Variants in CSMD1 observed in about 807,000 individuals in gnomAD.
CSMD1 encodes the protein CUB and Sushi multiple domains 1, also known as CUB and sushi domain-containing protein 1.
CSMD1 carries 213 observed loss-of-function variants against 417.5 expected under a neutral mutation model. The ratio of observed to expected loss-of-function variants is 0.51; its 90% CI spans 0.46 to 0.57. The LOEUF (loss-of-function observed/expected upper bound fraction) is 0.57, where lower values mean the gene tolerates loss of function less well. Among genes scored for constraint, CSMD1 ranks in the 20% least tolerant of loss-of-function variants. The pLI is 0.00. For synonymous variants in CSMD1, 2,862 were observed against 1,736.8 expected (o/e 1.65, Z -16.11); for missense variants, 6,923 against 4,529.7 (o/e 1.53, Z -15.17).
intron 3 of CSMD1, among the ~76,000 whole-genome samples, chr8:4,258,562 G>A (rs1319917711): frequency 1.4e-5 from 2 of 147,558 alleles, no homozygotes; most frequent in African/African-American, 5.0e-5. Flanking sequence ...AGGGAGGGAG[G>A]GAGGGAAGAA....
intron 2 of CSMD1, among the ~76,000 whole-genome samples, chr8:4,573,132 C>T (rs116065870): frequency 3.3e-5 from 5 of 152,232 alleles, no homozygotes; most frequent in Admixed American, 2.0e-4. Flanking sequence ...ATTCATCAAA[C>T]GCATTCCCTG....
intron 3 of CSMD1, among the ~76,000 whole-genome samples, chr8:4,174,207 C>A (rs902949887): frequency 1.2e-4 from 18 of 152,268 alleles, no homozygotes; most frequent in African/African-American, 4.3e-4. Context: ...AGAGCCTCAG[C>A]AGCTATGTGA....
intron 8 of CSMD1, among the ~76,000 whole-genome samples, chr8:3,590,966 T>G (rs540635926): frequency 6.6e-6 from 1 of 152,276 alleles, no homozygotes; most frequent in Admixed American, 6.5e-5. Flanking sequence ...GTAATATAAA[T>G]CAGATATAAC....
chr8:3,675,691 A>T (rs895607076), intron 7 of CSMD1, among the ~76,000 whole-genome samples: 2 of 152,186 alleles, frequency 1.3e-5, no homozygotes, highest in African/African-American at 4.8e-5. Flanking sequence ...GCAAACCAGG[A>T]AACGGGTCCT....
intron 11 of CSMD1, among the ~76,000 whole-genome samples, chr8:3,484,704 A>G (rs901688351): frequency 9.2e-5 from 14 of 152,226 alleles, no homozygotes; most frequent in Admixed American, 5.9e-4. Flanking sequence ...CAAAGCACTA[A>G]TATCTTGACT....
chr8:3,043,478 C>T (rs771815713), intron 50 of CSMD1, among the ~76,000 whole-genome samples: 1 of 151,830 alleles, frequency 6.6e-6, no homozygotes, highest in Non-Finnish European at 1.5e-5. Context: ...GCTAGTATTG[C>T]TCTGGTTTGC....
intron 1 of CSMD1, among the ~76,000 whole-genome samples, chr8:4,978,736 G>A (rs1303247993): frequency 2.6e-5 from 4 of 152,068 alleles, no homozygotes; most frequent in Non-Finnish European, 2.9e-5. Flanking sequence ...TCAGTAGTTC[G>A]AGACCAGCCT....
Position 3,213,726 on chromosome 8 carries a change from T to C in CSMD1, c.4867+771A>G, listed in dbSNP as rs527768496. On this transcript the variant is annotated intron_variant, in intron 30 of 69. Coordinates refer to ENST00000635120, the MANE Select transcript of CSMD1 (RefSeq NM_033225.6). ...AAAAATATATGTACATTAAAATATA[T>C]ATGTATATATGTAAAAATATATGTG... 2.7e-5 allele frequency among the ~76,000 whole-genome samples: 4 copies of C among 150,774 alleles called. No individual in the cohort carries two copies. In the East Asian group the frequency reaches 7.8e-4, roughly 29 times the overall value.
At chr8:4,248,883 T>C (rs1802875183) in intron 3 of CSMD1, among the ~76,000 whole-genome samples, 1 of 149,594 alleles carries the variant, frequency 6.7e-6, no homozygotes, top group South Asian at 2.1e-4. Flanking sequence ...CAGTTTTCTG[T>C]TGGAAAAAAA....
rs754229419 is a variant in CSMD1 at position 3,409,414 on chromosome 8, A to G, written c.1744+9T>C. On this transcript the variant is annotated intron_variant, in intron 13 of 69. Transcript: ENST00000635120. The stretch of plus-strand genomic sequence containing the variant: ...CAGGAGGGAGTCCAGGTCAAGGCAT[A>G]ATACTCACATACACAGCTGGGCTTG... The G allele has an allele frequency of 6.2e-7, 1 of 1,603,742 alleles. No individual in the cohort carries two copies. The highest frequency in any genetic ancestry group is 1.7e-5 in the Admixed American group (1 of 58,824).
chr8:4,073,171 C>T (rs1174243263), intron 3 of CSMD1, among the ~76,000 whole-genome samples: 5 of 152,052 alleles, frequency 3.3e-5, no homozygotes, highest in African/African-American at 9.6e-5. Context: ...TAGAAAAAAT[C>T]GAGATGAAGC....
chr8:3,605,480 G>A (rs117906663), intron 8 of CSMD1, among the ~76,000 whole-genome samples: 2,091 of 152,176 alleles, frequency 0.014, 23 homozygotes, highest in Middle Eastern at 0.02. Flanking sequence ...TTATCAATAC[G>A]CTACAAAAAA....
At chr8:3,791,004 C>G (rs542675322) in intron 5 of CSMD1, among the ~76,000 whole-genome samples, 3 of 152,204 alleles carry the variant, frequency 2.0e-5, no homozygotes, top group African/African-American at 4.8e-5. Context: ...TGGAATGCAA[C>G]ACCTTCAGGT....
intron 11 of CSMD1, among the ~76,000 whole-genome samples, chr8:3,485,178 G>A (rs139090030): frequency 6.6e-6 from 1 of 152,168 alleles, no homozygotes; most frequent in East Asian, 1.9e-4. Flanking sequence ...ATCTGTGGGT[G>A]AATATAAACT....
At chr8:3,469,595 A>G (rs1816969968) in intron 11 of CSMD1, among the ~76,000 whole-genome samples, 1 of 152,216 alleles carries the variant, frequency 6.6e-6, no homozygotes, top group African/African-American at 2.4e-5. Flanking sequence ...TGAAATAGAA[A>G]AAGTGTAAGA....
intron 10 of CSMD1, among the ~76,000 whole-genome samples, chr8:3,499,951 G>A (rs747059661): frequency 6.6e-6 from 1 of 152,096 alleles, no homozygotes; most frequent in African/African-American, 2.4e-5. Context: ...AAACAGTCAT[G>A]TGGGCTGCAG....
intron 26 of CSMD1, among the ~76,000 whole-genome samples, chr8:3,234,443 G>A (rs111767018): frequency 6.6e-6 from 1 of 152,052 alleles, no homozygotes; most frequent in East Asian, 1.9e-4. Context: ...ATCATTACTC[G>A]TGTTTTGAAC....
chr8:4,673,791 G>A (rs181101745), intron 1 of CSMD1, among the ~76,000 whole-genome samples: 5 of 152,288 alleles, frequency 3.3e-5, no homozygotes, highest in Admixed American at 2.6e-4. Flanking sequence ...AAGTTTGTAT[G>A]AAGTGTTCAG....
chr8:4,454,799 G>A lies in CSMD1; in HGVS notation c.303-34734C>T, dbSNP rs75523319. 5.7e-3 allele frequency among the ~76,000 whole-genome samples: 868 copies of A among 152,308 alleles called. 10 individuals are homozygous for A. The highest frequency in any genetic ancestry group is 0.02 in the African/African-American group (838 of 41,560). On this transcript the variant is annotated intron_variant, in intron 2 of 69. Coordinates refer to ENST00000635120, the MANE Select transcript of CSMD1 (RefSeq NM_033225.6). ...TCTAAAGGCACTTAAGCTACAACTA[G>A]AAGTGAAAATTATCTCAACCATAAG...
Sources: allele counts gnomAD v4.1 joint callset (sites outside exome capture counted in the v4.1 genomes callset), GRCh38; gene constraint gnomAD v4.1.1; transcripts MANE v1.5; gene names NCBI Gene and HGNC (gene_info 2026-07-23, HGNC 2026-07-21).